The following PTPRG variants were observed in gnomAD, a reference collection of about 807,000 sequenced individuals.
PTPRG encodes receptor-type tyrosine-protein phosphatase gamma.
In PTPRG, 102 loss-of-function variants were observed where a neutral mutation model predicts 165.3. The ratio of observed to expected loss-of-function variants is 0.62; its 90% CI spans 0.53 to 0.73. The LOEUF (loss-of-function observed/expected upper bound fraction) is 0.73. Ranked by LOEUF, PTPRG falls within the 30% of genes least tolerant of loss-of-function variation. The pLI, the probability that PTPRG is intolerant of heterozygous loss-of-function variation, is 0.00. For synonymous variants in PTPRG, 675 were observed against 669.5 expected, an observed-to-expected ratio of 1.01 and a Z score of -0.13; for missense variants, 1,866 against 1,861.4, an observed-to-expected ratio of 1.00 and a Z score of -0.05.
chr3:62,234,508 C>A (rs1269373496), intron 14 of PTPRG, among the ~76,000 whole-genome samples: 1 of 151,720 alleles, frequency 6.6e-6, no homozygotes, highest in Non-Finnish European at 1.5e-5. Flanking sequence ...AAACTTTGGC[C>A]TTTTTACTAA....
intron 1 of PTPRG, among the ~76,000 whole-genome samples, chr3:61,636,925 TTTGA>T (rs1348262561): frequency 6.6e-6 from 1 of 152,212 alleles, no homozygotes; most frequent in Non-Finnish European, 1.5e-5. Flanking sequence ...ATTTTGATTC[TTTGA>T]TTGATCATAT....
At chr3:61,963,364 C>G (rs1451140371) in intron 2 of PTPRG, among the ~76,000 whole-genome samples, 1 of 151,764 alleles carries the variant, frequency 6.6e-6, no homozygotes, top group Non-Finnish European at 1.5e-5. Flanking sequence ...TTGTAACAAA[C>G]CATGAACTGC....
intron 1 of PTPRG, among the ~76,000 whole-genome samples, chr3:61,674,281 C>G (rs1703141196): frequency 6.6e-6 from 1 of 151,798 alleles, no homozygotes; most frequent in Non-Finnish European, 1.5e-5. Flanking sequence ...GATCTGGATA[C>G]TGATCTCCAG....
At chr3:62,053,419 A>C (rs1409699443) in intron 4 of PTPRG, among the ~76,000 whole-genome samples, 1 of 152,048 alleles carries the variant, frequency 6.6e-6, no homozygotes, top group Admixed American at 6.6e-5. Flanking sequence ...GGCGTCCGCC[A>C]TCACACCTGG....
Position 62,086,278 on chromosome 3 carries a change from AT to A in PTPRG, c.615+8031del, listed in dbSNP as rs34119209. Among the ~76,000 whole-genome samples the A allele has an allele frequency of 5.1e-4, 76 of 148,218 alleles. No individual in the cohort carries two copies. The South Asian group carries it at 7.1e-3, about 14-fold the overall frequency. ...AATTTTCTATCGTGTTATGGTTTTA[AT>A]TTTTTTTTTTCTTTTCATGGTTCTG... On this transcript the variant is annotated intron_variant, in intron 5 of 29. Coordinates refer to ENST00000474889, the MANE Select transcript of PTPRG (RefSeq NM_002841.4).
intron 2 of PTPRG, among the ~76,000 whole-genome samples, chr3:61,830,117 A>C (rs1007854706): frequency 2.0e-5 from 3 of 152,212 alleles, no homozygotes; most frequent in Non-Finnish European, 2.9e-5. Context: ...AAGCTGGTCA[A>C]ATTTATTCAC....
chr3:62,156,329 A>G (rs1481416674), intron 6 of PTPRG, among the ~76,000 whole-genome samples: 5 of 152,174 alleles, frequency 3.3e-5, no homozygotes, highest in African/African-American at 1.2e-4. Flanking sequence ...TGTGACCTTG[A>G]GCAGACACTA....
chr3:61,699,149 A>G (rs2030798195), intron 1 of PTPRG, among the ~76,000 whole-genome samples: 1 of 152,160 alleles, frequency 6.6e-6, no homozygotes, highest in Non-Finnish European at 1.5e-5. Flanking sequence ...GTGCACATGT[A>G]CCCTAAAACT....
At chr3:62,020,189 A>T (rs1402231028) in intron 4 of PTPRG, among the ~76,000 whole-genome samples, 1 of 152,168 alleles carries the variant, frequency 6.6e-6, no homozygotes, top group Non-Finnish European at 1.5e-5. Context: ...CTGCTTTATC[A>T]CTTTGCATAT....
At chr3:62,104,033 A>C (rs753446210) in intron 5 of PTPRG, among the ~76,000 whole-genome samples, 11 of 152,212 alleles carry the variant, frequency 7.2e-5, no homozygotes, top group Non-Finnish European at 1.6e-4. Flanking sequence ...TTGTTAGCTC[A>C]GGGTCTAGAG....
intron 3 of PTPRG, among the ~76,000 whole-genome samples, chr3:61,999,572 A>C (rs917082449): frequency 1.3e-5 from 2 of 151,924 alleles, no homozygotes; most frequent in African/African-American, 4.8e-5. Context: ...TCCAGATTCA[A>C]CTTTTCCTGC....
intron 28 of PTPRG, among the ~76,000 whole-genome samples, chr3:62,288,968 G>T (rs1003408173): frequency 6.6e-6 from 1 of 152,072 alleles, no homozygotes; most frequent in East Asian, 1.9e-4. Context: ...AAGAAAATAA[G>T]CATTTAAGAC....
At chr3:61,665,428 TGAAA>T (rs1442802820) in intron 1 of PTPRG, among the ~76,000 whole-genome samples, 11 of 149,464 alleles carry the variant, frequency 7.4e-5, no homozygotes, top group African/African-American at 2.5e-4. Context: ...AGTTGTAACT[TGAAA>T]GAAAACCCAA....
At chr3:61,622,900 G>A (rs1455551683) in intron 1 of PTPRG, among the ~76,000 whole-genome samples, 5 of 151,806 alleles carry the variant, frequency 3.3e-5, no homozygotes, top group African/African-American at 9.7e-5. Context: ...TGCACCCTAA[G>A]TACAAAAAAG....
At chr3:62,045,589 C>G (rs982525082) in intron 4 of PTPRG, among the ~76,000 whole-genome samples, 2 of 152,190 alleles carry the variant, frequency 1.3e-5, no homozygotes, top group African/African-American at 4.8e-5. Context: ...TCTTATTGCC[C>G]TCAATGCTGC....
At chr3:61,933,186 G>T (rs1016351365) in intron 2 of PTPRG, among the ~76,000 whole-genome samples, 1 of 152,106 alleles carries the variant, frequency 6.6e-6, no homozygotes. Flanking sequence ...ATGTGGAAAG[G>T]TACATTTCTC....
rs1454863315 is a variant in PTPRG, at chr3:61,818,868, AAT to A, written c.190+69888_190+69889del. 8.6e-4 allele frequency among the ~76,000 whole-genome samples: 78 copies of A among 90,844 alleles called. 1 individual carries two copies. Among genetic ancestry groups the A allele is most frequent in the Middle Eastern group, 0.014 (2 of 138 alleles). The allele number at this position is 90,844 out of a possible 152,430, so 59.6% of individuals were successfully genotyped here. On this transcript the variant is annotated intron_variant, in intron 2 of 29. Transcript: ENST00000474889. ...TGAATAGTGAAATAGTGAATAGTGA[AAT>A]AGTGAATAGTGAAATAGTGAATAGT...
At chr3:61,595,857 CAA>C (rs1380304982) in intron 1 of PTPRG, among the ~76,000 whole-genome samples, 3 of 152,088 alleles carry the variant, frequency 2.0e-5, no homozygotes, top group Non-Finnish European at 4.4e-5. Context: ...TCTCAGTAAA[CAA>C]AGTGTTTAAA....
At chr3:62,236,546 A>G (rs976726812) in intron 14 of PTPRG, among the ~76,000 whole-genome samples, 1 of 152,198 alleles carries the variant, frequency 6.6e-6, no homozygotes, top group East Asian at 1.9e-4. Flanking sequence ...GCAGTGTGTA[A>G]ATCAGTTAAG....
Sources: allele counts gnomAD v4.1 joint callset (sites outside exome capture counted in the v4.1 genomes callset), GRCh38; gene constraint gnomAD v4.1.1; transcripts MANE v1.5; gene names NCBI Gene and HGNC (gene_info 2026-07-23, HGNC 2026-07-21).